Variants in CYFIP2 observed in about 807,000 individuals in gnomAD.
CYFIP2 encodes cytoplasmic FMR1-interacting protein 2.
In CYFIP2, 29 loss-of-function variants were observed where a neutral mutation model predicts 158.7. That is an observed-to-expected ratio of 0.18 (90% CI 0.14 to 0.25). CYFIP2 has a LOEUF of 0.25. CYFIP2 is among the 10% of genes least tolerant of loss of function. The pLI is 1.00. For synonymous variants in CYFIP2, 585 were observed against 617.6 expected (o/e 0.95, Z 0.78); for missense variants, 852 against 1,639.5 (o/e 0.52, Z 8.29).
At chr5:157,312,222 C>G (rs986940833) in intron 11 of CYFIP2, among the ~76,000 whole-genome samples, 23 of 151,706 alleles carry the variant, frequency 1.5e-4, no homozygotes, top group African/African-American at 5.3e-4. Context: ...AATAAATGAT[C>G]ATTGTAAAAA....
At chr5:157,342,778 G>A (rs1762365690) in intron 23 of CYFIP2, 4 of 1,319,940 alleles carry the variant, frequency 3.0e-6, no homozygotes, top group Middle Eastern at 2.6e-4. Context: ...GAGAGAAATG[G>A]GTAGTCTATA....
At chr5:157,387,775 A>G (rs1270092859) in intron 28 of CYFIP2, among the ~76,000 whole-genome samples, 1 of 151,990 alleles carries the variant, frequency 6.6e-6, no homozygotes, top group Non-Finnish European at 1.5e-5. Context: ...TGAAATCAGG[A>G]TGAGTCACCG....
intron 1 of CYFIP2, among the ~76,000 whole-genome samples, chr5:157,281,307 G>A (rs1390004882): frequency 1.3e-5 from 2 of 152,044 alleles, no homozygotes; most frequent in Admixed American, 6.6e-5. Flanking sequence ...ATGATGATCC[G>A]TGCCTAGATC....
intron 8 of CYFIP2, among the ~76,000 whole-genome samples, chr5:157,305,841 T>C (rs78083354): frequency 0.021 from 3,125 of 152,324 alleles, 116 homozygotes; most frequent in African/African-American, 0.072. Flanking sequence ...ATGTACGTCC[T>C]TCTAAGTTTT....
intron 15 of CYFIP2, among the ~76,000 whole-genome samples, chr5:157,322,564 A>G (rs1037448454): frequency 1.3e-5 from 2 of 152,178 alleles, no homozygotes; most frequent in African/African-American, 4.8e-5. Flanking sequence ...CTCGGCTCCT[A>G]GGGATGGTGA....
chr5:157,382,336 C>G (rs1766208865), intron 26 of CYFIP2, among the ~76,000 whole-genome samples: 1 of 152,206 alleles, frequency 6.6e-6, no homozygotes, highest in Admixed American at 6.5e-5. Context: ...GTACCTGTGA[C>G]TATTCCACAA....
At position 157,311,924 on chromosome 5, in the gene CYFIP2, G is replaced by GTT; in HGVS notation, c.1110+146_1110+147dup. 1.4e-6 allele frequency: 1 copy of GTT among 714,622 alleles called. No individual in the cohort carries two copies. Among genetic ancestry groups the GTT allele is most frequent in the African/African-American group, 1.8e-5 (1 of 56,216 alleles). 44.3% of individuals were successfully genotyped at this position (714,622 alleles called of 1,614,324 possible). A position where few individuals can be genotyped will look rare whatever the true frequency, so the allele number is the denominator to read the frequency against. On this transcript the variant is annotated intron_variant, in intron 11 of 30. Coordinates refer to ENST00000620254, the MANE Select transcript of CYFIP2 (RefSeq NM_001037333.3). This position sits in a 1 kb window ranked among gnomAD's most constrained non-coding sequence, Gnocchi z 4.7. The stretch of plus-strand genomic sequence containing the variant: ...GAGGGTAAAGTGGCCAACAGCAGGG[G>GTT]TTTTGGAGCCAGGCAGACTGGGGTG...
intron 26 of CYFIP2, among the ~76,000 whole-genome samples, chr5:157,369,676 A>G (rs946004488): frequency 2.0e-5 from 3 of 152,008 alleles, no homozygotes; most frequent in African/African-American, 7.2e-5. Flanking sequence ...CTGTGAGGAC[A>G]CCCCCAGTGG....
At chr5:157,342,912 G>C in intron 23 of CYFIP2, 2 of 1,614,146 alleles carry the variant, frequency 1.2e-6, no homozygotes, top group Non-Finnish European at 1.7e-6. Context: ...CCCCCCCTCT[G>C]TAAGGCACCC....
intron 18 of CYFIP2, 61 bp downstream of exon 18, chr5:157,326,328 G>T (rs1164291959): frequency 1.4e-6 from 2 of 1,399,614 alleles, no homozygotes; most frequent in Non-Finnish European, 2.0e-6. Context: ...GACTTTTCCA[G>T]TCTTTTGCTA....
Position 157,320,325 on chromosome 5 carries a change from G to A in CYFIP2, c.1524-330G>A, listed in dbSNP as rs117061108. On this transcript the variant is annotated intron_variant, in intron 14 of 30. Transcript: ENST00000620254. ...AAGCACACACAGATTTCATAAGACCGGTGAGACTCCCCTATAACCAGAAAG... is the reference window on the plus strand; with the variant it reads ...AAGCACACACAGATTTCATAAGACCAGTGAGACTCCCCTATAACCAGAAAG... 1.8e-3 allele frequency among the ~76,000 whole-genome samples: 275 copies of A among 152,248 alleles called. 2 individuals carry two copies. Among genetic ancestry groups the A allele is most frequent in the South Asian group, 0.012 (56 of 4,826 alleles).
rs1581223101 is a variant in CYFIP2 at position 157,395,299 on chromosome 5, T to C, written c.*2299T>C. The C allele has an allele frequency of 3.5e-6, 1 of 287,484 alleles. No homozygotes were observed. The highest frequency in any genetic ancestry group is 6.6e-6 in the Non-Finnish European group (1 of 151,256). The allele number at this position is 287,484 out of a possible 1,614,324, so 17.8% of individuals were successfully genotyped here. On this transcript the variant is annotated 3_prime_UTR_variant, in exon 31 of 31. Coordinates refer to ENST00000620254, the MANE Select transcript of CYFIP2 (RefSeq NM_001037333.3). ...TCTTTTTATTTTTTTTGTGTGTGTC[T>C]AATAACCAGGAAAAAAATAAAGCTT...
chr5:157,332,234 G>A (rs1262363539), intron 20 of CYFIP2, among the ~76,000 whole-genome samples: 1 of 152,112 alleles, frequency 6.6e-6, no homozygotes, highest in African/African-American at 2.4e-5. Flanking sequence ...AAGCCTACAG[G>A]GAAGTTGAAA....
chr5:157,284,261 T>G (rs1187661080), intron 1 of CYFIP2, among the ~76,000 whole-genome samples: 1 of 152,212 alleles, frequency 6.6e-6, no homozygotes, highest in Non-Finnish European at 1.5e-5. Context: ...CAGCTAAATG[T>G]GTTGAAGACA....
intron 7 of CYFIP2, among the ~76,000 whole-genome samples, chr5:157,303,745 AG>A (rs1476088805): frequency 6.6e-6 from 1 of 152,032 alleles, no homozygotes; most frequent in Non-Finnish European, 1.5e-5. Flanking sequence ...GAAAGGGCCT[AG>A]GGTGGGGACC....
intron 1 of CYFIP2, among the ~76,000 whole-genome samples, chr5:157,283,399 A>G (rs1757140474): frequency 6.6e-6 from 1 of 152,194 alleles, no homozygotes; most frequent in Non-Finnish European, 1.5e-5. Flanking sequence ...CCCTCCTGTA[A>G]AATGGACCTA....
chr5:157,389,503 C>A (rs1767052229), intron 29 of CYFIP2, 76 bp downstream of exon 29: 2 of 1,365,192 alleles, frequency 1.5e-6, no homozygotes, highest in Admixed American at 2.4e-5. Flanking sequence ...TGCCAGAGTT[C>A]AGCCAGAAAC....
Position 157,315,066 on chromosome 5 carries a change from C to T in CYFIP2, c.1328C>T (p.Thr443Ile), listed in dbSNP as rs1478749882. 9.3e-6 allele frequency: 15 copies of T among 1,613,426 alleles called. No individual in the cohort carries two copies. The highest frequency in any genetic ancestry group is 1.3e-5 in the Non-Finnish European group (15 of 1,179,766). ...GAGAGAGCCACACGCTACAATTACA[C>T]CAGTGAGGAAAAATTTGCCTTCGTT... The part of the protein sequence containing the change: ...EYERATRYNY[T>I]SEEKFAFVEV... Residue 443 changes from threonine to isoleucine, a missense_variant, in exon 13 of 31, where the codon ACC (threonine) becomes ATC (isoleucine). By Grantham distance (89) the Thr-to-Ile change is moderately conservative. Transcript: ENST00000620254.
At chr5:157,315,163 C>G in intron 13 of CYFIP2, 69 bp downstream of exon 13, 7 of 1,571,758 alleles carry the variant, frequency 4.5e-6, no homozygotes, top group Non-Finnish European at 6.1e-6. Context: ...CTGAGTAGTT[C>G]TGAGCAAGAA....
Sources: gnomAD v4.1 joint callset for allele counts (sites outside exome capture counted in the v4.1 genomes callset) on GRCh38, gnomAD v4.1.1 for gene constraint, Gnocchi (gnomAD v3.1) non-coding constraint, MANE v1.5 for transcripts, NCBI Gene and HGNC (gene_info 2026-07-23, HGNC 2026-07-21) for gene names.